ECT2L: variants seen among roughly 807,000 people sequenced by gnomAD.
ECT2L encodes the protein epithelial cell transforming 2 like.
In ECT2L, 126 loss-of-function variants were observed where a neutral mutation model predicts 122.8. The observed-to-expected ratio is 1.03, with a 90% CI of 0.89 to 1.19. ECT2L has a LOEUF of 1.19. Ranked by LOEUF, ECT2L falls within the 50% of genes most tolerant of loss-of-function variation. The pLI, the probability that ECT2L is intolerant of heterozygous loss-of-function variation, is 0.00. For synonymous variants in ECT2L, 385 were observed against 381.8 expected, an observed-to-expected ratio of 1.01 and a Z score of -0.10; for missense variants, 1,012 against 1,064.1, an observed-to-expected ratio of 0.95 and a Z score of 0.68.
At position 138,875,658 on chromosome 6, in the gene ECT2L, C is replaced by G. The variant is rs574046376; in HGVS notation, c.1579-814C>G. Reference sequence around the variant, plus strand: ...CAAGGTAAAGTGAAGAAAGAATAAGCCTTATTTAAATGTGCAGGTCTAGAA... The same window carrying G: ...CAAGGTAAAGTGAAGAAAGAATAAGGCTTATTTAAATGTGCAGGTCTAGAA... On this transcript the variant is annotated intron_variant, in intron 13 of 21. Coordinates refer to ENST00000541398, the MANE Select transcript of ECT2L (RefSeq NM_001077706.3). 3.3e-5 allele frequency among the ~76,000 whole-genome samples: 5 copies of G among 152,274 alleles called. No homozygotes were observed. In the East Asian group the frequency reaches 9.6e-4, roughly 29 times the overall value.
Position 138,862,701 on chromosome 6 carries a change from A to G in ECT2L, c.1273A>G (p.Thr425Ala). The G allele has an allele frequency of 1.2e-6, 2 of 1,614,130 alleles. No homozygotes were observed. The highest frequency in any genetic ancestry group is 1.7e-6 in the Non-Finnish European group (2 of 1,179,964). Residue 425 changes from threonine to alanine, a missense_variant, in exon 11 of 22, where the codon ACT (threonine) becomes GCT (alanine). Physicochemically the swap from Thr to Ala is moderately conservative, Grantham distance 58 (BLOSUM62 0). Transcript: ENST00000541398. ...TFFTAPTGIA[T>A]GSYQHILSDW... Reference sequence around the variant, plus strand: ...CTTTACGGCCCCCACTGGGATTGCAACTGGCTCTTACCAGCACAGTAAGTG... The same window carrying G: ...CTTTACGGCCCCCACTGGGATTGCAGCTGGCTCTTACCAGCACAGTAAGTG...
chr6:138,867,928 G>GA (rs200350596), intron 12 of ECT2L, among the ~76,000 whole-genome samples, 175 bp from the exon 13 acceptor site: 2,258 of 147,938 alleles, frequency 0.015, 40 homozygotes, highest in African/African-American at 0.048. Flanking sequence ...AGGATCACTT[G>GA]GATCAAGGCT....
rs1019481768 is a variant in ECT2L, at chr6:138,846,617, A to G, written c.843A>G (p.Arg281=). The change falls in exon 8 of 22, where the codon AGA becomes AGG. Residue 281 remains arginine, a synonymous_variant. Coordinates refer to ENST00000541398, the MANE Select transcript of ECT2L (RefSeq NM_001077706.3). The stretch of plus-strand genomic sequence containing the variant: ...ATGGAGTTCATAAAAATGATGACAG[A>G]TCTTCATATGCTCTCCGGCCACACT... The part of the protein sequence containing the change: ...NWHGVHKNDD[R]SSYALRPHFM... 6 of 1,611,472 alleles carry G rather than the reference A, an allele frequency of 3.7e-6. No individual in the cohort carries two copies. Among genetic ancestry groups the G allele is most frequent in the Non-Finnish European group, 5.1e-6 (6 of 1,179,168 alleles).
intron 20 of ECT2L, among the ~76,000 whole-genome samples, chr6:138,893,335 C>T (rs1241185068): frequency 6.6e-6 from 1 of 151,618 alleles, no homozygotes; most frequent in Non-Finnish European, 1.5e-5. Context: ...GAGGTCAGGC[C>T]TTTGTTAAGA....
intron 12 of ECT2L, 88 bp from the exon 13 acceptor site, chr6:138,868,015 A>AT: frequency 1.2e-6 from 1 of 834,210 alleles, no homozygotes; most frequent in Non-Finnish European, 1.7e-6. Flanking sequence ...AAAAAAAAAA[A>AT]AAAAGAAACT....
Position 138,866,044 on chromosome 6 carries a change from C to G in ECT2L, c.1474+866C>G, listed in dbSNP as rs547438912. ...TAAATGCTTCCAAAACAGGGATTTGCCTTCCTGCTTATTTGTACTACCTAC... is the reference window on the plus strand; with the variant it reads ...TAAATGCTTCCAAAACAGGGATTTGGCTTCCTGCTTATTTGTACTACCTAC... On this transcript the variant is annotated intron_variant, in intron 12 of 21. Coordinates refer to ENST00000541398, the MANE Select transcript of ECT2L (RefSeq NM_001077706.3). 2.0e-5 allele frequency among the ~76,000 whole-genome samples: 3 copies of G among 152,280 alleles called. No individual in the cohort carries two copies. In the East Asian group the frequency reaches 5.8e-4, roughly 29 times the overall value.
chr6:138,891,875 C>T (rs937616780), intron 20 of ECT2L, among the ~76,000 whole-genome samples: 5 of 152,124 alleles, frequency 3.3e-5, no homozygotes, highest in South Asian at 2.1e-4. Context: ...TCTGAAATGA[C>T]GAAGACTTTC....
Position 138,818,741 on chromosome 6 carries a change from C to T in ECT2L, c.179+4138C>T, listed in dbSNP as rs139066743. 2.0e-5 allele frequency among the ~76,000 whole-genome samples: 3 copies of T among 152,068 alleles called. No individual in the cohort carries two copies. In the South Asian group the frequency reaches 6.2e-4, roughly 32 times the overall value. The stretch of plus-strand genomic sequence containing the variant: ...GGGGCTCAATGGATGGAAAATTACT[C>T]GAGGAAACATCAGGGGTAAGCGGGG... On this transcript the variant is annotated intron_variant, in intron 4 of 21. Coordinates refer to ENST00000541398, the MANE Select transcript of ECT2L (RefSeq NM_001077706.3).
At chr6:138,869,502 C>G (rs902719678) in intron 13 of ECT2L, among the ~76,000 whole-genome samples, 9 of 152,198 alleles carry the variant, frequency 5.9e-5, no homozygotes, top group Admixed American at 2.0e-4. Context: ...TGTAGTTTGT[C>G]TCCTGTGAAG....
In ECT2L at chr6:138,868,184, T is replaced by C. The variant is rs1778121470; in HGVS notation, c.1556T>C (p.Met519Thr). Residue 519 changes from methionine to threonine, a missense_variant, in exon 13 of 22, where the codon ATG (methionine) becomes ACG (threonine). By Grantham distance (81) the Met-to-Thr change is moderately conservative. Coordinates refer to ENST00000541398, the MANE Select transcript of ECT2L (RefSeq NM_001077706.3). ...DTAQALADGL[M>T]ELSKEDSERN... ...GCGCAAGCTCTGGCAGATGGATTGA[T>C]GGAGTTGTCAAAAGAAGATTCTGTA... 1.2e-6 allele frequency: 2 copies of C among 1,613,392 alleles called. No individual in the cohort carries two copies. Among genetic ancestry groups the C allele is most frequent in the Non-Finnish European group, 8.5e-7 (1 of 1,179,638 alleles).
intron 1 of ECT2L, among the ~76,000 whole-genome samples, chr6:138,807,310 A>G (rs1775745734): frequency 6.6e-6 from 1 of 152,134 alleles, no homozygotes; most frequent in Admixed American, 6.5e-5. Flanking sequence ...CCCCAAAACT[A>G]AACAGATCTT....
chr6:138,812,656 T>C (rs1775939657), intron 1 of ECT2L, among the ~76,000 whole-genome samples, 182 bp from the exon 2 acceptor site: 1 of 152,010 alleles, frequency 6.6e-6, no homozygotes, highest in Admixed American at 6.6e-5. Context: ...AATACAAAAA[T>C]TAGCCAGGCA....
chr6:138,823,291 C>T, intron 4 of ECT2L: 2 of 1,582,492 alleles, frequency 1.3e-6, no homozygotes, highest in South Asian at 2.2e-5. Context: ...AATGACAATG[C>T]TAGGTGCATT....
chr6:138,890,333 A>G (rs1778971861), intron 20 of ECT2L, among the ~76,000 whole-genome samples: 1 of 152,132 alleles, frequency 6.6e-6, no homozygotes, highest in African/African-American at 2.4e-5. Flanking sequence ...ATTTCAATGA[A>G]TATTTCAACA....
rs766395750 is a variant in ECT2L at position 138,832,769 on chromosome 6, A to T, written c.180-5583A>T. Among the ~76,000 whole-genome samples, 92 of 151,624 alleles carry T rather than the reference A, an allele frequency of 6.1e-4. 1 individual carries two copies. The Middle Eastern group carries it at 0.024, about 39-fold the overall frequency. On this transcript the variant is annotated intron_variant, in intron 4 of 21. Coordinates refer to ENST00000541398, the MANE Select transcript of ECT2L (RefSeq NM_001077706.3). ...TTTTGTTGTTTTTTTTTTAATTTAT[A>T]ACTTGCTGATTTCTTTTTTCATTAC...
intron 12 of ECT2L, 104 bp from the exon 13 acceptor site, chr6:138,867,999 C>CAA (rs754296302): frequency 4.7e-3 from 1,569 of 334,936 alleles, no homozygotes; most frequent in South Asian, 7.2e-3. Flanking sequence ...GATTCTGTCT[C>CAA]AAAAAAAAAA....
chr6:138,857,128 A>G (rs1326237359), intron 10 of ECT2L, among the ~76,000 whole-genome samples: 6 of 152,176 alleles, frequency 3.9e-5, no homozygotes, highest in Admixed American at 6.6e-5. Flanking sequence ...CATCTTCTCC[A>G]GACTTCCACA....
chr6:138,839,100 T>C (rs1294469717), intron 5 of ECT2L, among the ~76,000 whole-genome samples: 1 of 152,152 alleles, frequency 6.6e-6, no homozygotes, highest in Non-Finnish European at 1.5e-5. Flanking sequence ...CTTTTCTTCA[T>C]GAAAAATGAT....
chr6:138,897,612 C>T (rs1779261120), intron 20 of ECT2L, among the ~76,000 whole-genome samples: 1 of 152,112 alleles, frequency 6.6e-6, no homozygotes, highest in South Asian at 2.1e-4. Flanking sequence ...TGTTGGAGAT[C>T]TTGAGGGGCT....
Sources: allele counts gnomAD v4.1 joint callset (sites outside exome capture counted in the v4.1 genomes callset), GRCh38; gene constraint gnomAD v4.1.1; transcripts MANE v1.5; gene names NCBI Gene and HGNC (gene_info 2026-07-23, HGNC 2026-07-21).